The following SCHIP1 variants were observed in gnomAD, a reference collection of about 807,000 sequenced individuals.
SCHIP1 encodes the protein schwannomin-interacting protein 1.
A neutral mutation model predicts 29.7 loss-of-function variants in SCHIP1; 8 were observed. That is an observed-to-expected ratio of 0.27 (90% CI 0.16 to 0.49). The LOEUF is 0.49. Ranked by LOEUF, SCHIP1 falls within the 20% of genes least tolerant of loss-of-function variation. SCHIP1 has a pLI of 0.99. For synonymous variants in SCHIP1, 76 were observed against 94.9 expected, an observed-to-expected ratio of 0.80 and a Z score of 1.16; for missense variants, 193 against 294.6, an observed-to-expected ratio of 0.66 and a Z score of 2.52.
the SCHIP1 span, among the ~76,000 whole-genome samples, chr3:159,364,029 G>A: frequency 6.6e-6 from 1 of 152,118 alleles, no homozygotes; most frequent in African/African-American, 2.4e-5. Context: ...TCACAGTGTT[G>A]CACTTCTGGT....
chr3:159,415,362 C>G, the SCHIP1 span, among the ~76,000 whole-genome samples: 1 of 152,034 alleles, frequency 6.6e-6, no homozygotes, highest in Non-Finnish European at 1.5e-5. Flanking sequence ...AACATCATAT[C>G]ACGGGGGTTT....
At chr3:159,428,369 T>A in the SCHIP1 span, among the ~76,000 whole-genome samples, 6 of 150,240 alleles carry the variant, frequency 4.0e-5, no homozygotes, top group South Asian at 2.1e-4. Flanking sequence ...AACAACCCCA[T>A]CAAAAAGTGG....
At chr3:159,509,874 G>T in the SCHIP1 span, among the ~76,000 whole-genome samples, 1 of 152,138 alleles carries the variant, frequency 6.6e-6, no homozygotes, top group African/African-American at 2.4e-5. Flanking sequence ...TGGGTAACCC[G>T]ACCTTTCTCT....
chr3:159,584,339 C>T, the SCHIP1 span, among the ~76,000 whole-genome samples: 1 of 152,144 alleles, frequency 6.6e-6, no homozygotes. Context: ...GGTAATATGT[C>T]AAGCCAATTA....
At chr3:159,276,081 G>A in the SCHIP1 span, among the ~76,000 whole-genome samples, 27 of 143,354 alleles carry the variant, frequency 1.9e-4, no homozygotes, top group African/African-American at 5.4e-4. Context: ...GCTAATTGGC[G>A]GGTGTGGTTT....
At chr3:159,367,266 C>G in the SCHIP1 span, among the ~76,000 whole-genome samples, 2 of 152,096 alleles carry the variant, frequency 1.3e-5, no homozygotes, top group Non-Finnish European at 1.5e-5. Context: ...GTGGCGCATG[C>G]CTGTAATCCC....
the SCHIP1 span, among the ~76,000 whole-genome samples, chr3:159,391,819 A>G: frequency 6.6e-6 from 1 of 152,192 alleles, no homozygotes; most frequent in Non-Finnish European, 1.5e-5. Flanking sequence ...TTACAGATGG[A>G]GCATCTGAGG....
chr3:159,453,024 A>G, the SCHIP1 span, among the ~76,000 whole-genome samples: 1 of 152,238 alleles, frequency 6.6e-6, no homozygotes, highest in Admixed American at 6.5e-5. Context: ...GCTTCTAAAA[A>G]AAACTGGGGA....
chr3:159,311,397 A>G, the SCHIP1 span, among the ~76,000 whole-genome samples: 539 of 152,254 alleles, frequency 3.5e-3, 3 homozygotes, highest in African/African-American at 0.012. Flanking sequence ...ATAGCCTTTG[A>G]TACAAACTTA....
the SCHIP1 span, among the ~76,000 whole-genome samples, chr3:159,810,701 C>T: frequency 6.6e-6 from 1 of 152,208 alleles, no homozygotes; most frequent in Non-Finnish European, 1.5e-5. Flanking sequence ...TTTTGGTCGT[C>T]CATTTACCAG....
At chr3:159,740,769 A>AG in the SCHIP1 span, among the ~76,000 whole-genome samples, 3 of 120,234 alleles carry the variant, frequency 2.5e-5, no homozygotes, top group Admixed American at 2.6e-4. Flanking sequence ...TTCAAAAAAA[A>AG]AGAAAAAAAA....
chr3:159,866,917 C>T (rs781143903), intron 2 of SCHIP1, among the ~76,000 whole-genome samples: 5 of 152,160 alleles, frequency 3.3e-5, no homozygotes, highest in South Asian at 4.2e-4. Flanking sequence ...CAGAGTTTCT[C>T]GAACTTTAAT....
the SCHIP1 span, among the ~76,000 whole-genome samples, chr3:159,334,238 C>T: frequency 1.3e-5 from 2 of 152,046 alleles, no homozygotes; most frequent in South Asian, 2.1e-4. Context: ...AGGTTGTTGG[C>T]GAGACTGTCT....
the SCHIP1 span, among the ~76,000 whole-genome samples, chr3:159,644,895 G>C: frequency 6.6e-6 from 1 of 152,018 alleles, no homozygotes; most frequent in Non-Finnish European, 1.5e-5. Flanking sequence ...CAAAAATCCT[G>C]CCTCCAAGGA....
the SCHIP1 span, among the ~76,000 whole-genome samples, chr3:159,809,139 C>T: frequency 6.6e-6 from 1 of 151,020 alleles, no homozygotes; most frequent in East Asian, 1.9e-4. Context: ...TCCCCCAGCC[C>T]CCAACCCCCC....
At chr3:159,638,225 G>A in the SCHIP1 span, among the ~76,000 whole-genome samples, 1 of 152,172 alleles carries the variant, frequency 6.6e-6, no homozygotes, top group Non-Finnish European at 1.5e-5. Context: ...GCTGTAAAAT[G>A]AGACAGTAGA....
the SCHIP1 span, among the ~76,000 whole-genome samples, chr3:159,665,055 G>A: frequency 2.1e-3 from 318 of 152,220 alleles, no homozygotes; most frequent in African/African-American, 7.4e-3. Context: ...TACAATCACC[G>A]GGGGGACTTT....
chr3:159,567,370 T>G, the SCHIP1 span, among the ~76,000 whole-genome samples: 1 of 152,274 alleles, frequency 6.6e-6, no homozygotes, highest in East Asian at 1.9e-4. Context: ...CCTTTACAGT[T>G]CATCCTTTTT....
chr3:159,770,108 C>T, the SCHIP1 span, among the ~76,000 whole-genome samples: 15 of 152,298 alleles, frequency 9.8e-5, no homozygotes, highest in Non-Finnish European at 2.1e-4. Context: ...TGAGATTCAT[C>T]CATGTTATTG....
Sources: gnomAD v4.1 joint callset for allele counts (sites outside exome capture counted in the v4.1 genomes callset) on GRCh38, gnomAD v4.1.1 for gene constraint, MANE v1.5 for transcripts, NCBI Gene and HGNC (gene_info 2026-07-23, HGNC 2026-07-21) for gene names.